The following SLC2A13 variants were observed in gnomAD, a reference collection of about 807,000 sequenced individuals.
SLC2A13 encodes the protein solute carrier family 2 member 13.
In SLC2A13, 32 loss-of-function variants were observed where a neutral mutation model predicts 64.4. The ratio of observed to expected loss-of-function variants is 0.50; its 90% CI spans 0.37 to 0.67. SLC2A13 has a LOEUF of 0.67. SLC2A13 is among the 30% of genes least tolerant of loss of function. SLC2A13 has a pLI of 0.00. For synonymous variants in SLC2A13, 338 were observed against 327.1 expected (o/e 1.03, Z -0.36); for missense variants, 743 against 829.2 (o/e 0.90, Z 1.28).
At chr12:40,072,976 G>C (rs966485945) in intron 1 of SLC2A13, among the ~76,000 whole-genome samples, 4 of 151,652 alleles carry the variant, frequency 2.6e-5, no homozygotes, top group Admixed American at 2.0e-4. Flanking sequence ...AGCATTTTAC[G>C]TGATTTTATC....
intron 4 of SLC2A13, among the ~76,000 whole-genome samples, chr12:39,936,481 A>G (rs990576780): frequency 6.6e-6 from 1 of 152,202 alleles, no homozygotes; most frequent in African/African-American, 2.4e-5. Context: ...TTCTGATTTC[A>G]ACCCTCTGCC....
intron 1 of SLC2A13, among the ~76,000 whole-genome samples, chr12:40,085,526 T>A (rs1938561563): frequency 6.6e-6 from 1 of 152,214 alleles, no homozygotes; most frequent in Admixed American, 6.5e-5. Flanking sequence ...GATTGCTTGT[T>A]AGTGGGGAGA....
intron 3 of SLC2A13, among the ~76,000 whole-genome samples, chr12:39,966,759 G>A (rs1442112677): frequency 6.6e-6 from 1 of 152,130 alleles, no homozygotes. Context: ...GACTGGGCAA[G>A]GAGAATTCGA....
intron 4 of SLC2A13, among the ~76,000 whole-genome samples, chr12:39,938,308 G>A (rs1309060544): frequency 6.6e-6 from 1 of 151,768 alleles, no homozygotes; most frequent in African/African-American, 2.4e-5. Context: ...AGGTGTGTTG[G>A]GTTTGGATTC....
intron 6 of SLC2A13, among the ~76,000 whole-genome samples, chr12:39,858,238 G>T (rs557524242): frequency 1.3e-5 from 2 of 152,320 alleles, no homozygotes; most frequent in African/African-American, 4.8e-5. Flanking sequence ...CACAGGATGA[G>T]ATTTATGTGG....
At chr12:39,996,886 A>G (rs1164228169) in intron 3 of SLC2A13, among the ~76,000 whole-genome samples, 1 of 152,182 alleles carries the variant, frequency 6.6e-6, no homozygotes, top group African/African-American at 2.4e-5. Flanking sequence ...AAATCATAGA[A>G]AACACAAACA....
chr12:39,827,445 C>T (rs1053915300), intron 7 of SLC2A13, among the ~76,000 whole-genome samples: 1 of 152,166 alleles, frequency 6.6e-6, no homozygotes, highest in African/African-American at 2.4e-5. Context: ...TGGAGCTTAT[C>T]TCACTCAGCA....
At chr12:39,971,983 G>GAA (rs1174701447) in intron 3 of SLC2A13, among the ~76,000 whole-genome samples, 2,119 of 95,750 alleles carry the variant, frequency 0.022, 94 homozygotes, top group African/African-American at 0.049. Flanking sequence ...AGTGTCTCCA[G>GAA]AAAAAAAAAA....
intron 2 of SLC2A13, among the ~76,000 whole-genome samples, chr12:40,031,628 G>C (rs1947907243): frequency 6.6e-6 from 1 of 152,190 alleles, no homozygotes; most frequent in African/African-American, 2.4e-5. Context: ...CGGAAAAAAT[G>C]TTTCACCTCC....
intron 4 of SLC2A13, among the ~76,000 whole-genome samples, chr12:39,916,650 G>A (rs1251356756): frequency 2.0e-5 from 3 of 152,056 alleles, no homozygotes; most frequent in Non-Finnish European, 4.4e-5. Flanking sequence ...TCACCAGGCA[G>A]CTGAGTAGGC....
intron 4 of SLC2A13, among the ~76,000 whole-genome samples, chr12:39,897,814 CT>C (rs1284451117): frequency 6.6e-6 from 1 of 151,954 alleles, no homozygotes; most frequent in East Asian, 1.9e-4. Context: ...TGTTTGAAGA[CT>C]TTTTTCTATA....
chr12:40,082,843 C>T (rs916269771), intron 1 of SLC2A13, among the ~76,000 whole-genome samples: 30 of 152,186 alleles, frequency 2.0e-4, no homozygotes, highest in Admixed American at 8.5e-4. Context: ...CTATTTCACT[C>T]GCCCATTCCC....
chr12:39,983,158 A>G (rs1325388980), intron 3 of SLC2A13, among the ~76,000 whole-genome samples: 1 of 151,800 alleles, frequency 6.6e-6, no homozygotes, highest in African/African-American at 2.4e-5. Context: ...CCTTCCTTAC[A>G]CCTTATACAA....
At chr12:39,793,852 G>C (rs1266190206) in intron 7 of SLC2A13, among the ~76,000 whole-genome samples, 1 of 151,930 alleles carries the variant, frequency 6.6e-6, no homozygotes, top group African/African-American at 2.4e-5. Context: ...ACATTATCTT[G>C]AACAGAAGCA....
intron 7 of SLC2A13, among the ~76,000 whole-genome samples, chr12:39,784,257 G>A (rs1485212573): frequency 6.6e-6 from 1 of 152,136 alleles, no homozygotes; most frequent in Admixed American, 6.5e-5. Context: ...AAAAGAGCCC[G>A]CATTGCCAAG....
chr12:39,919,959 C>T (rs1945586666), intron 4 of SLC2A13, among the ~76,000 whole-genome samples: 1 of 151,884 alleles, frequency 6.6e-6, no homozygotes, highest in East Asian at 1.9e-4. Flanking sequence ...TCTTGGCACA[C>T]CTTGATACAC....
intron 4 of SLC2A13, among the ~76,000 whole-genome samples, chr12:39,932,398 T>C (rs1306718138): frequency 6.6e-6 from 1 of 151,982 alleles, no homozygotes; most frequent in Non-Finnish European, 1.5e-5. Context: ...GACTTGACTA[T>C]AAAAAAGGAG....
chr12:40,074,376 A>G (rs1428014009), intron 1 of SLC2A13, among the ~76,000 whole-genome samples: 1 of 152,058 alleles, frequency 6.6e-6, no homozygotes, highest in Non-Finnish European at 1.5e-5. Flanking sequence ...TATGTTGCCC[A>G]GGATGGTCTC....
At chr12:39,809,922 G>A (rs1343949136) in intron 7 of SLC2A13, among the ~76,000 whole-genome samples, 1 of 152,134 alleles carries the variant, frequency 6.6e-6, no homozygotes, top group African/African-American at 2.4e-5. Context: ...GGACATTTGG[G>A]TTGGTTTCAA....
Sources: allele counts gnomAD v4.1 joint callset (sites outside exome capture counted in the v4.1 genomes callset), GRCh38; gene constraint gnomAD v4.1.1; transcripts MANE v1.5; gene names NCBI Gene and HGNC (gene_info 2026-07-23, HGNC 2026-07-21).